MLLT10: variants seen among roughly 807,000 people sequenced by gnomAD.
The protein encoded by MLLT10 is protein AF-10.
MLLT10 carries 30 observed loss-of-function variants against 129.1 expected under a neutral mutation model. The ratio of observed to expected loss-of-function variants is 0.23; its 90% CI spans 0.17 to 0.32. The LOEUF (loss-of-function observed/expected upper bound fraction) is 0.32, where lower values mean the gene tolerates loss of function less well. MLLT10 is among the 10% of genes least tolerant of loss of function. MLLT10 has a pLI of 1.00. For missense variants in MLLT10, 1,119 were observed against 1,268.3 expected (o/e 0.88, Z 1.79); for synonymous variants, 490 against 446.4 (o/e 1.10, Z -1.23).
At chr10:21,580,770 T>C (rs1366571857) in intron 3 of MLLT10, among the ~76,000 whole-genome samples, 1 of 151,928 alleles carries the variant, frequency 6.6e-6, no homozygotes, top group Non-Finnish European at 1.5e-5. Flanking sequence ...GGCGCGATCT[T>C]GACTCACTGA....
chr10:21,672,935 C>G (rs16921893), intron 10 of MLLT10, among the ~76,000 whole-genome samples: 22,660 of 152,086 alleles, frequency 0.15, 1,791 homozygotes, highest in East Asian at 0.3. Flanking sequence ...CATTTAGAGT[C>G]AGATTATAGT....
chr10:21,613,470 T>C (rs1259982093), intron 6 of MLLT10, among the ~76,000 whole-genome samples: 1 of 152,218 alleles, frequency 6.6e-6, no homozygotes, highest in Admixed American at 6.5e-5. Context: ...ATTCTCGTAA[T>C]GACTGTACCA....
rs865801952 is a variant in MLLT10, at chr10:21,733,537, G to T, written c.2441G>T (p.Ser814Ile). The T allele has an allele frequency of 6.4e-7, 1 of 1,572,292 alleles. No individual in the cohort carries two copies. Among genetic ancestry groups the T allele is most frequent in the Non-Finnish European group, 8.6e-7 (1 of 1,164,854 alleles). The change falls in exon 19 of 23, where the codon AGC becomes ATC. Residue 814 changes from serine (S) to isoleucine (I), a missense_variant. By Grantham distance (142) the Ser-to-Ile change is moderately radical (BLOSUM62 -2). Around this residue, in one of 5 missense-constraint regions of MLLT10, gnomAD observed 1,004 missense variants for 1,008.7 expected, o/e 1.00. Coordinates refer to ENST00000307729, the MANE Select transcript of MLLT10 (RefSeq NM_001195626.3). The part of the protein sequence containing the change: ...PTTDSLNSSK[S>I]PHIGNSFLPD... The stretch of plus-strand genomic sequence containing the variant: ...ACTGATTCCTTGAACAGCAGTAAGA[G>T]CCCTCATATAGGAAACAGCTTTTTA...
intron 13 of MLLT10, among the ~76,000 whole-genome samples, chr10:21,698,485 G>A (rs1014062464): frequency 9.2e-5 from 14 of 152,140 alleles, no homozygotes; most frequent in Admixed American, 7.2e-4. Context: ...AAACACTGAG[G>A]TTGATTCCAT....
intron 2 of MLLT10, among the ~76,000 whole-genome samples, chr10:21,535,378 C>T (rs1043897549): frequency 1.2e-4 from 18 of 151,962 alleles, no homozygotes; most frequent in Admixed American, 5.9e-4. Flanking sequence ...AAGGCTCGGG[C>T]CCTGCCGCCG....
At chr10:21,563,206 T>G (rs962537407) in intron 3 of MLLT10, among the ~76,000 whole-genome samples, 1 of 152,090 alleles carries the variant, frequency 6.6e-6, no homozygotes, top group Non-Finnish European at 1.5e-5. Flanking sequence ...TCAAGGATGT[T>G]ATATAAATGG....
chr10:21,673,779 C>CA lies in MLLT10; in HGVS notation c.1482dup (p.Val495SerfsTer21). 6.2e-7 allele frequency: 1 copy of CA among 1,614,146 alleles called. No individual in the cohort carries two copies. Among genetic ancestry groups the CA allele is most frequent in the Non-Finnish European group, 8.5e-7 (1 of 1,180,018 alleles). ...AATCAAGAGAATGTTTCTCATCTCT[C>CA]AGTTTCTTCTGCTTCACCAACATCA... On this transcript the variant is annotated frameshift_variant, in exon 11 of 23. Coordinates refer to ENST00000307729, the MANE Select transcript of MLLT10 (RefSeq NM_001195626.3). LOFTEE classifies it high-confidence loss of function.
chr10:21,677,495 A>C (rs566860658), intron 11 of MLLT10, among the ~76,000 whole-genome samples: 1 of 152,192 alleles, frequency 6.6e-6, no homozygotes, highest in Non-Finnish European at 1.5e-5. Flanking sequence ...CATATAACCT[A>C]TGCACATCTT....
chr10:21,681,322 C>A lies in MLLT10; in HGVS notation c.1622-10C>A. The stretch of plus-strand genomic sequence containing the variant: ...TCTTCACTGATTTCCTTTTTCCTTC[C>A]TCTCAACAGAAATTTCCATGCAGTA... On this transcript the variant is annotated splice_polypyrimidine_tract_variant and intron_variant, in intron 11 of 22. Transcript: ENST00000307729. 3 of 1,611,780 alleles carry A rather than the reference C, an allele frequency of 1.9e-6. No homozygotes were observed. The highest frequency in any genetic ancestry group is 2.5e-6 in the Non-Finnish European group (3 of 1,179,468).
chr10:21,677,441 G>A (rs539833178), intron 11 of MLLT10, among the ~76,000 whole-genome samples: 16 of 152,258 alleles, frequency 1.1e-4, no homozygotes, highest in African/African-American at 3.9e-4. Context: ...AAATACCCAA[G>A]TCCAAGATGC....
At chr10:21,628,802 G>A (rs371389832) in intron 8 of MLLT10, among the ~76,000 whole-genome samples, 6 of 146,620 alleles carry the variant, frequency 4.1e-5, no homozygotes, top group African/African-American at 1.5e-4. Context: ...GCTGGAGTGC[G>A]GTGACATGAT....
chr10:21,647,969 A>C (rs1265162870), intron 8 of MLLT10, among the ~76,000 whole-genome samples: 2 of 151,892 alleles, frequency 1.3e-5, no homozygotes, highest in African/African-American at 4.8e-5. Flanking sequence ...CTTTGATGTT[A>C]TTTTAATTTT....
In MLLT10 at chr10:21,713,964, C is replaced by T. The variant is rs1467408955; in HGVS notation, c.1878+14C>T. 1 of 1,598,040 alleles carries T rather than the reference C, an allele frequency of 6.3e-7. No homozygotes were observed. The highest frequency in any genetic ancestry group is 2.2e-5 in the East Asian group (1 of 44,486). ...GCTACAACTCAGGTAAGTTGTTACACTATCATGTGACAGGTAATAGGTGGG... is the reference window on the plus strand; with the variant it reads ...GCTACAACTCAGGTAAGTTGTTACATTATCATGTGACAGGTAATAGGTGGG... On this transcript the variant is annotated intron_variant, in intron 14 of 22. Coordinates refer to ENST00000307729, the MANE Select transcript of MLLT10 (RefSeq NM_001195626.3).
chr10:21,643,296 G>C (rs1356300046), intron 8 of MLLT10, among the ~76,000 whole-genome samples: 1 of 152,218 alleles, frequency 6.6e-6, no homozygotes, highest in Non-Finnish European at 1.5e-5. Context: ...GCCTTCCAAA[G>C]TACTGGGGTT....
chr10:21,538,251 G>C (rs2034452283), intron 2 of MLLT10, among the ~76,000 whole-genome samples: 1 of 150,284 alleles, frequency 6.7e-6, no homozygotes, highest in Admixed American at 6.7e-5. Flanking sequence ...TGCAACCTCT[G>C]CCTCCCAGGT....
intron 5 of MLLT10, among the ~76,000 whole-genome samples, chr10:21,610,113 G>T (rs544044374): frequency 6.4e-4 from 98 of 152,304 alleles, no homozygotes; most frequent in Admixed American, 1.2e-3. Flanking sequence ...CTATAAGAGG[G>T]TATTGAGAGA....
chr10:21,679,852 A>G (rs2052559544), intron 11 of MLLT10, among the ~76,000 whole-genome samples: 2 of 152,210 alleles, frequency 1.3e-5, no homozygotes, highest in Admixed American at 6.5e-5. Context: ...TCATGGGCGC[A>G]CTCAAAAAGT....
chr10:21,566,726 C>T (rs2039621197), intron 3 of MLLT10, among the ~76,000 whole-genome samples: 1 of 151,966 alleles, frequency 6.6e-6, no homozygotes, highest in African/African-American at 2.4e-5. Flanking sequence ...TACCCCAATT[C>T]ACTGTGCCAA....
intron 8 of MLLT10, among the ~76,000 whole-genome samples, chr10:21,629,005 C>T (rs1296684059): frequency 2.0e-5 from 3 of 152,048 alleles, no homozygotes; most frequent in Admixed American, 6.6e-5. Flanking sequence ...ACCTTGGCCT[C>T]CCAAAGTGCT....
Sources: gnomAD v4.1 joint callset for allele counts (sites outside exome capture counted in the v4.1 genomes callset) on GRCh38, gnomAD v4.1.1 for gene constraint, gnomAD v4.1.1 regional missense constraint, MANE v1.5 for transcripts, NCBI Gene and HGNC (gene_info 2026-07-23, HGNC 2026-07-21) for gene names.